Variants in IMPG2 observed in about 807,000 individuals in gnomAD.
The protein encoded by IMPG2 is IPM 200.
A neutral mutation model predicts 129.2 loss-of-function variants in IMPG2; 91 were observed. The observed-to-expected ratio is 0.70, with a 90% CI of 0.59 to 0.84. The LOEUF is 0.84. IMPG2 is among the 40% of genes least tolerant of loss of function. IMPG2 has a pLI of 0.00. For synonymous variants in IMPG2, 510 were observed against 517.7 expected (o/e 0.99, Z 0.20); for missense variants, 1,430 against 1,461.7 (o/e 0.98, Z 0.35).
In IMPG2 at chr3:101,275,558, G is replaced by C. The variant is rs1706831428; in HGVS notation, c.666+105C>G. On this transcript the variant is annotated intron_variant, in intron 6 of 18. Transcript: ENST00000193391. ...TAGGATCCATGTCATTTTTCTAACA[G>C]GACACTACATGAAGTCCTGTGTAGT... 3 of 835,616 alleles carry C rather than the reference G, an allele frequency of 3.6e-6. No individual in the cohort carries two copies. In the Admixed American group the frequency reaches 5.6e-5, roughly 16 times the overall value. The allele number at this position is 835,616 out of a possible 1,614,324, so 51.8% of individuals were successfully genotyped here. A position where few individuals can be genotyped will look rare whatever the true frequency, so the allele number is the denominator to read the frequency against.
At chr3:101,282,803 C>A (rs559015696) in intron 4 of IMPG2, among the ~76,000 whole-genome samples, 1 of 152,270 alleles carries the variant, frequency 6.6e-6, no homozygotes, top group Admixed American at 6.5e-5. Flanking sequence ...AGTTATGAAC[C>A]ACACCTACCC....
rs1706200216 is a variant in IMPG2 at position 101,224,474 on chromosome 3, A to G, written c.*2495T>C. The G allele has an allele frequency of 1.3e-5, 2 of 152,208 alleles. No individual in the cohort carries two copies. The highest frequency in any genetic ancestry group is 2.9e-5 in the Non-Finnish European group (2 of 68,032). 9.4% of individuals were successfully genotyped at this position (152,208 alleles called of 1,614,324 possible). On this transcript the variant is annotated 3_prime_UTR_variant, in exon 19 of 19. Coordinates refer to ENST00000193391, the MANE Select transcript of IMPG2 (RefSeq NM_016247.4). ...AAGAAGAACGTTCTAATACTCAGAA[A>G]ATTTCATTCCTCAATTGTGCAGTGT...
intron 10 of IMPG2, among the ~76,000 whole-genome samples, chr3:101,256,184 A>AGAAAGAAG (rs1559646393): frequency 2.0e-5 from 3 of 150,418 alleles, no homozygotes; most frequent in Non-Finnish European, 4.4e-5. Context: ...AAAGAAAGAA[A>AGAAAGAAG]GAAAGAAAGA....
At chr3:101,311,957 G>T (rs1478145589) in intron 2 of IMPG2, among the ~76,000 whole-genome samples, 1 of 151,892 alleles carries the variant, frequency 6.6e-6, no homozygotes, top group Non-Finnish European at 1.5e-5. Context: ...TAGCCTTTTC[G>T]ACAAATGGTG....
intron 17 of IMPG2, 60 bp downstream of exon 17, chr3:101,229,320 G>GGGGCCC: frequency 1.3e-5 from 7 of 519,328 alleles, no homozygotes; most frequent in Non-Finnish European, 1.5e-5. Context: ...ACCACCCCCT[G>GGGGCCC]CTCCCCCACA....
intron 14 of IMPG2, among the ~76,000 whole-genome samples, chr3:101,241,237 A>T (rs967470213): frequency 6.6e-6 from 1 of 152,240 alleles, no homozygotes; most frequent in Non-Finnish European, 1.5e-5. Context: ...CTGGTAATAT[A>T]AAAACTGACA....
At chr3:101,254,236 A>G (rs1426029260) in intron 10 of IMPG2, among the ~76,000 whole-genome samples, 1 of 152,126 alleles carries the variant, frequency 6.6e-6, no homozygotes, top group Admixed American at 6.6e-5. Flanking sequence ...GACACCAAAA[A>G]TCTTTGTCAC....
chr3:101,242,538 T>C lies in IMPG2; in HGVS notation c.3022+150A>G. On this transcript the variant is annotated intron_variant, in intron 14 of 18. Transcript: ENST00000193391. ...TATTGATGTTCTTGGGAGAAATATT[T>C]TACTAGTTACCAAGATGTGGAAGAT... 5 of 674,316 alleles carry C rather than the reference T, an allele frequency of 7.4e-6. 1 individual carries two copies. In the South Asian group the frequency reaches 8.3e-5, roughly 11 times the overall value. 41.8% of individuals were successfully genotyped at this position (674,316 alleles called of 1,614,324 possible). A position where few individuals can be genotyped will look rare whatever the true frequency, so the allele number is the denominator to read the frequency against.
chr3:101,307,822 G>C (rs1707220577), intron 2 of IMPG2, among the ~76,000 whole-genome samples: 1 of 152,064 alleles, frequency 6.6e-6, no homozygotes, highest in South Asian at 2.1e-4. Context: ...ACTCATTCCA[G>C]CATTAACCAA....
At chr3:101,298,974 A>G (rs1466882976) in intron 3 of IMPG2, among the ~76,000 whole-genome samples, 1 of 152,060 alleles carries the variant, frequency 6.6e-6, no homozygotes, top group African/African-American at 2.4e-5. Flanking sequence ...GTTCTCCTGG[A>G]TAATATCCTG....
At chr3:101,272,894 T>A (rs1706802177) in intron 7 of IMPG2, among the ~76,000 whole-genome samples, 1 of 152,232 alleles carries the variant, frequency 6.6e-6, no homozygotes, top group Non-Finnish European at 1.5e-5. Context: ...CCCTGTCATC[T>A]GACAGACAGG....
Position 101,275,752 on chromosome 3 carries a change from AG to A in IMPG2, c.584-8del, listed in dbSNP as rs762461742. Reference sequence around the variant, plus strand: ...GGAACACTGAGAGTAGTGTCTAAGAAGAAAAGCAAAAACATATGCATGAATT... The same window carrying A: ...GGAACACTGAGAGTAGTGTCTAAGAAAAAAGCAAAAACATATGCATGAATT... On this transcript the variant is annotated splice_polypyrimidine_tract_variant and splice_region_variant and intron_variant, in intron 5 of 18. Coordinates refer to ENST00000193391, the MANE Select transcript of IMPG2 (RefSeq NM_016247.4). 6.2e-7 allele frequency: 1 copy of A among 1,608,656 alleles called. No individual in the cohort carries two copies. The highest frequency in any genetic ancestry group is 1.7e-5 in the Admixed American group (1 of 59,992).
intron 4 of IMPG2, among the ~76,000 whole-genome samples, chr3:101,277,757 G>C (rs1706853097): frequency 6.6e-6 from 1 of 152,120 alleles, no homozygotes; most frequent in Non-Finnish European, 1.5e-5. Context: ...AAAGAAAATA[G>C]GTTTCCACAA....
chr3:101,307,123 A>G (rs1481013922), intron 2 of IMPG2, among the ~76,000 whole-genome samples: 1 of 152,250 alleles, frequency 6.6e-6, no homozygotes, highest in Non-Finnish European at 1.5e-5. Context: ...AAAAATAGCC[A>G]ATGAGTATGT....
chr3:101,276,043 G>C (rs1477597487), intron 5 of IMPG2, among the ~76,000 whole-genome samples: 2 of 151,986 alleles, frequency 1.3e-5, no homozygotes, highest in Admixed American at 1.3e-4. Context: ...CTAGTAAAGG[G>C]GACACATACT....
intron 10 of IMPG2, among the ~76,000 whole-genome samples, chr3:101,256,652 T>TA (rs1474974514): frequency 6.6e-6 from 1 of 152,090 alleles, no homozygotes; most frequent in East Asian, 1.9e-4. Context: ...CTTTCCTCTT[T>TA]AAAATGTGTG....
At chr3:101,231,916 T>A (rs1706291817) in intron 15 of IMPG2, among the ~76,000 whole-genome samples, 1 of 152,216 alleles carries the variant, frequency 6.6e-6, no homozygotes, top group African/African-American at 2.4e-5. Context: ...GGTTCTACCT[T>A]TAGAAAATGG....
chr3:101,251,829 A>G (rs1383110908), intron 11 of IMPG2, among the ~76,000 whole-genome samples: 2 of 152,162 alleles, frequency 1.3e-5, no homozygotes, highest in African/African-American at 2.4e-5. Flanking sequence ...TCTGGGGGGA[A>G]AAAACCCACC....
At chr3:101,286,805 G>A (rs1053822759) in intron 4 of IMPG2, among the ~76,000 whole-genome samples, 3 of 152,178 alleles carry the variant, frequency 2.0e-5, no homozygotes, top group Admixed American at 6.5e-5. Context: ...TCCAGCTGAT[G>A]CACAGAAAGA....
Sources: allele counts gnomAD v4.1 joint callset (sites outside exome capture counted in the v4.1 genomes callset), GRCh38; gene constraint gnomAD v4.1.1; transcripts MANE v1.5; gene names NCBI Gene and HGNC (gene_info 2026-07-23, HGNC 2026-07-21).